Variants in GALNT13 observed in about 807,000 individuals in gnomAD.
GALNT13 encodes polypeptide N-acetylgalactosaminyltransferase 13.
A neutral mutation model predicts 64.2 loss-of-function variants in GALNT13; 28 were observed. That is an observed-to-expected ratio of 0.44 (90% CI 0.32 to 0.60). The LOEUF is 0.60. GALNT13 is among the 20% of genes least tolerant of loss of function. GALNT13 has a pLI of 0.05. For missense variants in GALNT13, 577 were observed against 669.8 expected (o/e 0.86, Z 1.53); for synonymous variants, 214 against 224.6 (o/e 0.95, Z 0.42).
chr2:154,235,630 G>A (rs979725580), intron 4 of GALNT13, among the ~76,000 whole-genome samples: 4 of 152,122 alleles, frequency 2.6e-5, no homozygotes, highest in African/African-American at 9.7e-5. Context: ...CATTGACTGA[G>A]GTAGTAAAAG....
chr2:153,766,608 T>C, the GALNT13 span, among the ~76,000 whole-genome samples: 1 of 152,160 alleles, frequency 6.6e-6, no homozygotes, highest in Non-Finnish European at 1.5e-5. Flanking sequence ...TCTAACTTAC[T>C]AATTCTTTTC....
the GALNT13 span, among the ~76,000 whole-genome samples, chr2:153,496,954 A>G: frequency 2.7e-5 from 4 of 146,022 alleles, no homozygotes; most frequent in Non-Finnish European, 5.9e-5. Flanking sequence ...AGATTGCACC[A>G]CTGCACTCCA....
At chr2:153,956,030 G>A (rs2019333) in intron 3 of GALNT13, among the ~76,000 whole-genome samples, 230 of 152,180 alleles carry the variant, frequency 1.5e-3, no homozygotes, top group Non-Finnish European at 2.3e-3. Context: ...AAAATCCATA[G>A]GCCAAAGGGA....
chr2:154,265,911 A>G (rs1690969530), intron 8 of GALNT13, among the ~76,000 whole-genome samples: 1 of 152,248 alleles, frequency 6.6e-6, no homozygotes, highest in Non-Finnish European at 1.5e-5. Flanking sequence ...AATAAATAAT[A>G]TATCTGATTA....
chr2:153,918,496 CCCTT>C (rs1221774941), intron 2 of GALNT13, among the ~76,000 whole-genome samples: 1 of 152,118 alleles, frequency 6.6e-6, no homozygotes, highest in African/African-American at 2.4e-5. Flanking sequence ...CCACTCTTCT[CCCTT>C]CCTTCTTAAC....
intron 9 of GALNT13, among the ~76,000 whole-genome samples, chr2:154,311,100 C>CT (rs1559083526): frequency 1.3e-5 from 2 of 151,754 alleles, no homozygotes; most frequent in African/African-American, 4.8e-5. Flanking sequence ...TCTTGAAGTA[C>CT]TTTTTTATCA....
At chr2:153,900,461 A>G (rs1688163168) in intron 1 of GALNT13, among the ~76,000 whole-genome samples, 2 of 152,166 alleles carry the variant, frequency 1.3e-5, no homozygotes, top group Non-Finnish European at 2.9e-5. Context: ...TGCAGTTACA[A>G]AGTGAATTGG....
chr2:153,331,800 C>T, the GALNT13 span, among the ~76,000 whole-genome samples: 1 of 152,154 alleles, frequency 6.6e-6, no homozygotes, highest in South Asian at 2.1e-4. Context: ...ATCAAATTGA[C>T]ACTCAGTATT....
chr2:153,919,221 C>T (rs1315080864), intron 2 of GALNT13, among the ~76,000 whole-genome samples: 1 of 151,934 alleles, frequency 6.6e-6, no homozygotes, highest in Non-Finnish European at 1.5e-5. Context: ...TACTTAGATT[C>T]TCACTGAACA....
chr2:154,032,248 C>T (rs1269863648), intron 3 of GALNT13, among the ~76,000 whole-genome samples: 1 of 151,900 alleles, frequency 6.6e-6, no homozygotes, highest in Admixed American at 6.6e-5. Flanking sequence ...CACGAACTTT[C>T]ACTAAAAATA....
the GALNT13 span, among the ~76,000 whole-genome samples, chr2:153,709,389 A>T: frequency 6.6e-6 from 1 of 152,142 alleles, no homozygotes; most frequent in African/African-American, 2.4e-5. Context: ...ATATATTAAA[A>T]AGTGTTCCAC....
chr2:154,353,772 C>T (rs1346569143), intron 9 of GALNT13, among the ~76,000 whole-genome samples: 1 of 152,066 alleles, frequency 6.6e-6, no homozygotes, highest in Non-Finnish European at 1.5e-5. Context: ...AATAATATTC[C>T]ATTGTGTAGG....
chr2:153,843,804 C>T, the GALNT13 span, among the ~76,000 whole-genome samples: 1 of 152,112 alleles, frequency 6.6e-6, no homozygotes, highest in East Asian at 1.9e-4. Flanking sequence ...GGTTACAGGC[C>T]CCATGCAAGT....
the GALNT13 span, among the ~76,000 whole-genome samples, chr2:153,082,742 AT>A: frequency 6.9e-6 from 1 of 144,850 alleles, no homozygotes; most frequent in Non-Finnish European, 1.5e-5. Flanking sequence ...TTATATATAT[AT>A]TATTTATTGA....
At chr2:153,403,565 C>G in the GALNT13 span, among the ~76,000 whole-genome samples, 1 of 152,310 alleles carries the variant, frequency 6.6e-6, no homozygotes, top group East Asian at 1.9e-4. Context: ...GACTGCTGTG[C>G]TAGCAATCAG....
chr2:153,885,713 G>C (rs987284454), intron 1 of GALNT13, among the ~76,000 whole-genome samples: 2 of 152,062 alleles, frequency 1.3e-5, no homozygotes, highest in Non-Finnish European at 2.9e-5. Flanking sequence ...GGCCATTTCA[G>C]TGTTCACAGA....
chr2:153,403,788 C>T, the GALNT13 span, among the ~76,000 whole-genome samples: 38 of 152,140 alleles, frequency 2.5e-4, no homozygotes, highest in African/African-American at 8.7e-4. Context: ...TGCTTCGGCT[C>T]GTGCACGGTG....
rs191864445 is a variant in GALNT13 at position 154,423,669 on chromosome 2, A to G, written c.1395+14587A>G. On this transcript the variant is annotated intron_variant, in intron 11 of 12. Transcript: ENST00000392825. Reference sequence around the variant, plus strand: ...TTTCTTACTGAAGCTTTAAGAGACAAGTTAAAATTGTTCTCTGGGATCCCT... The same window carrying G: ...TTTCTTACTGAAGCTTTAAGAGACAGGTTAAAATTGTTCTCTGGGATCCCT... Among the ~76,000 whole-genome samples, 214 of 152,296 alleles carry G rather than the reference A, an allele frequency of 1.4e-3. 1 individual carries two copies. Among genetic ancestry groups the G allele is most frequent in the African/African-American group, 4.7e-3 (197 of 41,568 alleles).
At chr2:153,618,689 C>G in the GALNT13 span, among the ~76,000 whole-genome samples, 13 of 151,974 alleles carry the variant, frequency 8.6e-5, no homozygotes, top group East Asian at 2.5e-3. Flanking sequence ...CTTTATATAG[C>G]TAAGTGCTCC....
Sources: gnomAD v4.1 joint callset for allele counts (sites outside exome capture counted in the v4.1 genomes callset) on GRCh38, gnomAD v4.1.1 for gene constraint, MANE v1.5 for transcripts, NCBI Gene and HGNC (gene_info 2026-07-23, HGNC 2026-07-21) for gene names.